Variants in CWC27 observed in about 807,000 individuals in gnomAD.
CWC27 encodes the protein CWC27 spliceosome associated cyclophilin.
Under a neutral mutation model 63.6 loss-of-function variants are expected in CWC27, and 47 were observed. The observed-to-expected ratio is 0.74, with a 90% CI of 0.58 to 0.94. CWC27 has a LOEUF of 0.94. CWC27 is among the 40% of genes least tolerant of loss of function. The pLI, the probability that CWC27 is intolerant of heterozygous loss-of-function variation, is 0.00. For missense variants in CWC27, 495 were observed against 554.3 expected, an observed-to-expected ratio of 0.89 and a Z score of 1.07; for synonymous variants, 175 against 179.8, an observed-to-expected ratio of 0.97 and a Z score of 0.22.
chr5:65,004,869 T>C (rs1561186343), intron 13 of CWC27, among the ~76,000 whole-genome samples: 2 of 23,184 alleles, frequency 8.6e-5, no homozygotes, highest in East Asian at 9.6e-4. Flanking sequence ...TTCATATATA[T>C]ATATATATAT....
chr5:64,787,452 T>A (rs1318191571), intron 6 of CWC27, among the ~76,000 whole-genome samples: 3 of 152,110 alleles, frequency 2.0e-5, no homozygotes, highest in Non-Finnish European at 4.4e-5. Flanking sequence ...TCACTCAGTA[T>A]AAATAGAAAG....
At chr5:64,886,312 T>C (rs573672276) in intron 11 of CWC27, among the ~76,000 whole-genome samples, 26 of 152,292 alleles carry the variant, frequency 1.7e-4, no homozygotes, top group African/African-American at 6.3e-4. Flanking sequence ...CTGTTTTCTT[T>C]TTACAGTGAT....
intron 10 of CWC27, among the ~76,000 whole-genome samples, chr5:64,870,977 A>G (rs902569855): frequency 2.6e-5 from 4 of 152,094 alleles, no homozygotes; most frequent in Non-Finnish European, 4.4e-5. Context: ...TCTTATGATA[A>G]GTATATAGAA....
chr5:65,006,827 G>C (rs1749849811), intron 13 of CWC27, among the ~76,000 whole-genome samples: 1 of 151,902 alleles, frequency 6.6e-6, no homozygotes, highest in African/African-American at 2.4e-5. Flanking sequence ...AAGCAGAAAA[G>C]ATAACTGTTA....
At chr5:64,854,372 T>C (rs1466127523) in intron 10 of CWC27, among the ~76,000 whole-genome samples, 1 of 152,230 alleles carries the variant, frequency 6.6e-6, no homozygotes, top group Non-Finnish European at 1.5e-5. Context: ...CTATACTGTT[T>C]TTCATAGCAA....
chr5:64,940,529 G>T (rs1189618355), intron 11 of CWC27, among the ~76,000 whole-genome samples: 1 of 152,098 alleles, frequency 6.6e-6, no homozygotes, highest in African/African-American at 2.4e-5. Flanking sequence ...GATCTTGCTG[G>T]GAGCTGCAGA....
chr5:64,955,880 T>C (rs1239358890), intron 11 of CWC27, among the ~76,000 whole-genome samples: 1 of 152,090 alleles, frequency 6.6e-6, no homozygotes, highest in Non-Finnish European at 1.5e-5. Context: ...AGTTCCTTAT[T>C]AAAATTATTA....
chr5:64,996,936 G>A (rs1353296410), intron 13 of CWC27, among the ~76,000 whole-genome samples: 2 of 152,062 alleles, frequency 1.3e-5, no homozygotes, highest in Non-Finnish European at 2.9e-5. Flanking sequence ...CAATGTGATT[G>A]TTGGTGTTGT....
intron 12 of CWC27, among the ~76,000 whole-genome samples, chr5:64,972,335 A>C (rs1042745918): frequency 6.6e-6 from 1 of 152,154 alleles, no homozygotes; most frequent in African/African-American, 2.4e-5. Flanking sequence ...CAAGAATGAA[A>C]AGAGATAGGA....
At chr5:64,808,207 G>A in intron 10 of CWC27, 1 of 1,004,150 alleles carries the variant, frequency 1.0e-6, no homozygotes, top group Non-Finnish European at 1.2e-6. Context: ...AGATCCCCAG[G>A]TGATTTTTGT....
In CWC27 at chr5:64,889,411, A is replaced by G. The variant is rs1747165633; in HGVS notation, c.1042+3865A>G. On this transcript the variant is annotated intron_variant, in intron 11 of 13. Transcript: ENST00000381070. ...TCTAAAATAATTTCAAAATAAAACAACGAAAAGTAAATAAATAAAATGGCA... is the reference window on the plus strand; with the variant it reads ...TCTAAAATAATTTCAAAATAAAACAGCGAAAAGTAAATAAATAAAATGGCA... 7.9e-5 allele frequency among the ~76,000 whole-genome samples: 12 copies of G among 152,236 alleles called. No homozygotes were observed. In the South Asian group the frequency reaches 2.5e-3, roughly 32 times the overall value.
chr5:64,897,587 G>T (rs948972824), intron 11 of CWC27, among the ~76,000 whole-genome samples: 2 of 152,048 alleles, frequency 1.3e-5, no homozygotes, highest in African/African-American at 4.8e-5. Context: ...CACCAGGGTC[G>T]GTCAGAGATG....
intron 13 of CWC27, among the ~76,000 whole-genome samples, chr5:65,007,907 C>T (rs1174408304): frequency 1.3e-5 from 2 of 152,096 alleles, no homozygotes; most frequent in African/African-American, 2.4e-5. Flanking sequence ...GGATTACAGG[C>T]GTGAGCCACC....
rs533769825 is a variant in CWC27, at chr5:64,970,804, T to G, written c.1043-899T>G. Among the ~76,000 whole-genome samples the G allele has an allele frequency of 2.0e-5, 3 of 152,276 alleles. No individual in the cohort carries two copies. In the East Asian group the frequency reaches 5.8e-4, roughly 29 times the overall value. On this transcript the variant is annotated intron_variant, in intron 11 of 13. Transcript: ENST00000381070. ...AAATCTCTTGAACAAAATGGCTGAT[T>G]GTTAATAGATTGCATATTCATGATG...
At position 65,018,485 on chromosome 5, in the gene CWC27, T is replaced by G; in HGVS notation, c.*164T>G. ...TCTTGTTTTGCAAATTGTGGAATGA[T>G]GTAAGCAAATGCTTTTGGTTACTGG... On this transcript the variant is annotated 3_prime_UTR_variant, in exon 14 of 14. Transcript: ENST00000381070. 1 of 563,018 alleles carries G rather than the reference T, an allele frequency of 1.8e-6. No homozygotes were observed. Among genetic ancestry groups the G allele is most frequent in the Non-Finnish European group, 2.9e-6 (1 of 340,514 alleles). The allele number at this position is 563,018 out of a possible 1,614,324, so 34.9% of individuals were successfully genotyped here. A position where few individuals can be genotyped will look rare whatever the true frequency, so the allele number is the denominator to read the frequency against.
Position 64,839,345 on chromosome 5 carries a change from T to C in CWC27, c.938+34959T>C, listed in dbSNP as rs145885752. ...GATGAGAGTTTGAAAGGCTATAGTA[T>C]ACAGAAGTATGTAATGGGTGCAGGG... On this transcript the variant is annotated intron_variant, in intron 10 of 13. Transcript: ENST00000381070. Among the ~76,000 whole-genome samples the C allele has an allele frequency of 3.3e-3, 498 of 152,310 alleles. 4 individuals carry two copies. Among genetic ancestry groups the C allele is most frequent in the East Asian group, 0.013 (66 of 5,184 alleles).
intron 11 of CWC27, among the ~76,000 whole-genome samples, chr5:64,948,444 G>GTA (rs1230964818): frequency 6.6e-6 from 1 of 151,028 alleles, no homozygotes; most frequent in Non-Finnish European, 1.5e-5. Flanking sequence ...TGTACTAACC[G>GTA]TATATATATG....
chr5:64,918,951 T>C (rs1747941827), intron 11 of CWC27, among the ~76,000 whole-genome samples: 1 of 152,088 alleles, frequency 6.6e-6, no homozygotes, highest in African/African-American at 2.4e-5. Context: ...TTATTGAAAA[T>C]GAATGGTGTT....
intron 10 of CWC27, among the ~76,000 whole-genome samples, chr5:64,840,410 T>C (rs1360075206): frequency 2.5e-5 from 2 of 79,394 alleles, no homozygotes; most frequent in Non-Finnish European, 5.4e-5. Context: ...TATATATATA[T>C]ATATATATAT....
Sources: allele counts gnomAD v4.1 joint callset (sites outside exome capture counted in the v4.1 genomes callset), GRCh38; gene constraint gnomAD v4.1.1; transcripts MANE v1.5; gene names NCBI Gene and HGNC (gene_info 2026-07-23, HGNC 2026-07-21).